VWA5A: variants seen among roughly 807,000 people sequenced by gnomAD.
The protein encoded by VWA5A is von Willebrand factor A domain containing 5A.
VWA5A carries 77 observed loss-of-function variants against 84.6 expected under a neutral mutation model. That is an observed-to-expected ratio of 0.91 (90% CI 0.76 to 1.10). The LOEUF is 1.10. Among genes scored for constraint, VWA5A ranks in the 50% least tolerant of loss-of-function variants. VWA5A has a pLI of 0.00. For synonymous variants in VWA5A, 334 were observed against 350.1 expected, an observed-to-expected ratio of 0.95 and a Z score of 0.51; for missense variants, 973 against 963.0, an observed-to-expected ratio of 1.01 and a Z score of -0.14.
At chr11:124,134,137 C>T (rs1865137632) in intron 11 of VWA5A, among the ~76,000 whole-genome samples, 2 of 152,178 alleles carry the variant, frequency 1.3e-5, no homozygotes, top group African/African-American at 4.8e-5. Context: ...TGCTGTCAGG[C>T]TATAGTATTT....
chr11:124,139,810 C>G (rs1860691151), intron 15 of VWA5A, among the ~76,000 whole-genome samples: 1 of 152,026 alleles, frequency 6.6e-6, no homozygotes, highest in Admixed American at 6.6e-5. Context: ...TGCCTAATTG[C>G]ACTGGCTAGG....
chr11:124,116,139 T>TC (rs1864825862), intron 1 of VWA5A: 1 of 152,340 alleles, frequency 6.6e-6, no homozygotes, highest in Admixed American at 6.5e-5. Flanking sequence ...GCTGGGACTC[T>TC]GCATTCCTGA....
chr11:124,142,293 G>A (rs1235203862), intron 16 of VWA5A, 149 bp from the exon 17 acceptor site: 2 of 1,087,472 alleles, frequency 1.8e-6, no homozygotes, highest in South Asian at 1.6e-5. Context: ...AGGGTTTGAA[G>A]ACCGATCTTC....
chr11:124,124,059 G>T (rs1225720169), intron 10 of VWA5A, among the ~76,000 whole-genome samples, 178 bp from the exon 11 acceptor site: 1 of 152,144 alleles, frequency 6.6e-6, no homozygotes, highest in Non-Finnish European at 1.5e-5. Flanking sequence ...AATTCCCAGG[G>T]TTCTGAACAG....
At chr11:124,117,339 T>C (rs1864847426) in intron 2 of VWA5A, 158 bp from the exon 3 acceptor site, 1 of 713,414 alleles carries the variant, frequency 1.4e-6, no homozygotes, top group Non-Finnish European at 2.4e-6. Context: ...CCCTTATGAC[T>C]GAAATCTTTG....
Position 124,117,697 on chromosome 11 carries a change from G to A in VWA5A, c.68G>A (p.Ser23Asn), listed in dbSNP as rs1678500630. The A allele has an allele frequency of 6.2e-7, 1 of 1,614,210 alleles. No individual in the cohort carries two copies. The highest frequency in any genetic ancestry group is 1.3e-5 in the African/African-American group (1 of 75,054). Residue 23 changes from serine (S) to asparagine (N), a missense_variant, in exon 4 of 19, where the codon AGC (serine) becomes AAC (asparagine). Physicochemically the swap from Ser to Asn is conservative, Grantham distance 46. Transcript: ENST00000456829. ...EPVPLKSISVSVNIYEFVAGV... is the reference protein window; with the variant it reads ...EPVPLKSISVNVNIYEFVAGV... ...GTGCCGCTGAAGAGTATCTCTGTGA[G>A]CGTGAACATTTACGAGTTTGTGGCT...
chr11:124,143,755 G>A (rs1565292352), intron 17 of VWA5A, among the ~76,000 whole-genome samples: 1 of 152,088 alleles, frequency 6.6e-6, no homozygotes, highest in Non-Finnish European at 1.5e-5. Context: ...AAGTAATTAA[G>A]ATGATAATTC....
chr11:124,117,552 C>T lies in VWA5A; in HGVS notation c.41C>T (p.Pro14Leu), dbSNP rs771843378. The T allele has an allele frequency of 3.3e-5, 54 of 1,614,100 alleles. No individual in the cohort carries two copies. The highest frequency in any genetic ancestry group is 4.5e-5 in the Non-Finnish European group (53 of 1,180,050). Residue 14 changes from proline (P) to leucine (L), a missense_variant and splice_region_variant, in exon 3 of 19, where the codon CCA (proline) becomes CTA (leucine). Coordinates refer to ENST00000456829, the MANE Select transcript of VWA5A (RefSeq NM_001130142.2). ...FCGLLTLHRE[P>L]VPLKSISVSV... is the part of the protein sequence containing the mutation. ...GGCCTACTCACCCTCCACCGGGAGCCAGGTAAGCCTAATTTGTGACTCTTA... is the reference window on the plus strand; with the variant it reads ...GGCCTACTCACCCTCCACCGGGAGCTAGGTAAGCCTAATTTGTGACTCTTA...
At chr11:124,123,188 G>T in intron 8 of VWA5A, 59 bp downstream of exon 8, 1 of 1,571,318 alleles carries the variant, frequency 6.4e-7, no homozygotes, top group South Asian at 1.2e-5. Context: ...GAATCTGAGG[G>T]GTTAAATAAG....
chr11:124,119,946 T>C (rs1864904579), intron 7 of VWA5A, among the ~76,000 whole-genome samples: 1 of 152,210 alleles, frequency 6.6e-6, no homozygotes, highest in South Asian at 2.1e-4. Context: ...TTTTATCTAA[T>C]ACATAATTTC....
At chr11:124,124,487 A>G (rs1363080416) in intron 11 of VWA5A, 171 bp downstream of exon 11, 2 of 1,362,370 alleles carry the variant, frequency 1.5e-6, no homozygotes, top group African/African-American at 3.0e-5. Context: ...ACAGTTTTCC[A>G]AATAACATCA....
chr11:124,118,192 C>G lies in VWA5A; in HGVS notation c.250C>G (p.Arg84Gly), dbSNP rs144358960. Reference sequence around the variant, plus strand: ...TCCCTCGCCCTGTGCTTCTCAGGCCCGCACCAACTATGAGAAAGCCATCTC... The same window carrying G: ...TCCCTCGCCCTGTGCTTCTCAGGCCGGCACCAACTATGAGAAAGCCATCTC... ...VAELQDKMKA[R>G]TNYEKAISQG... The change falls in exon 5 of 19, where the codon CGC becomes GGC. Residue 84 changes from arginine (R) to glycine (G), a missense_variant. Physicochemically the swap from Arg to Gly is moderately radical, Grantham distance 125. Coordinates refer to ENST00000456829, the MANE Select transcript of VWA5A (RefSeq NM_001130142.2). The G allele has an allele frequency of 6.2e-6, 10 of 1,613,540 alleles. No individual in the cohort carries two copies. The highest frequency in any genetic ancestry group is 1.3e-5 in the African/African-American group (1 of 74,904).
Position 124,118,182 on chromosome 11 carries a change from T to C in VWA5A, c.247-7T>C. The C allele has an allele frequency of 6.2e-7, 1 of 1,612,730 alleles. No individual in the cohort carries two copies. Among genetic ancestry groups the C allele is most frequent in the Non-Finnish European group, 8.5e-7 (1 of 1,179,370 alleles). ...TTCTTTCCCATCCCTCGCCCTGTGC[T>C]TCTCAGGCCCGCACCAACTATGAGA... On this transcript the variant is annotated splice_region_variant and splice_polypyrimidine_tract_variant and intron_variant, in intron 4 of 18. Coordinates refer to ENST00000456829, the MANE Select transcript of VWA5A (RefSeq NM_001130142.2).
In VWA5A at chr11:124,142,303, C is replaced by T. The variant is rs1860744468; in HGVS notation, c.2024-139C>T. 5.9e-6 allele frequency: 7 copies of T among 1,179,418 alleles called. No homozygotes were observed. The Admixed American group carries it at 1.7e-4, about 29-fold the overall frequency. 73.1% of individuals were successfully genotyped at this position (1,179,418 alleles called of 1,614,324 possible). A position where few individuals can be genotyped will look rare whatever the true frequency, so the allele number is the denominator to read the frequency against. On this transcript the variant is annotated intron_variant, in intron 16 of 18. Transcript: ENST00000456829. ...CAAGTAGGGTTTGAAGACCGATCTTCTGGATGTTGTCTGATGACTTTCTTT... is the reference window on the plus strand; with the variant it reads ...CAAGTAGGGTTTGAAGACCGATCTTTTGGATGTTGTCTGATGACTTTCTTT...
chr11:124,139,422 A>G (rs1211519717), intron 15 of VWA5A, among the ~76,000 whole-genome samples: 1 of 152,164 alleles, frequency 6.6e-6, no homozygotes, highest in African/African-American at 2.4e-5. Context: ...CCAATCCAAG[A>G]ACATGAGATA....
chr11:124,145,681 A>T (rs939163967), intron 18 of VWA5A, among the ~76,000 whole-genome samples, 185 bp from the exon 19 acceptor site: 5 of 152,146 alleles, frequency 3.3e-5, no homozygotes, highest in Admixed American at 2.6e-4. Context: ...GCTGTTTGTT[A>T]TCTCACTGCA....
intron 12 of VWA5A, 90 bp downstream of exon 12, chr11:124,135,124 G>A: frequency 9.6e-7 from 1 of 1,044,058 alleles, no homozygotes; most frequent in Non-Finnish European, 1.4e-6. Context: ...GGCAGGGGTA[G>A]CAACTTTCCT....
chr11:124,143,708 T>C (rs1860769299), intron 17 of VWA5A, among the ~76,000 whole-genome samples: 1 of 152,230 alleles, frequency 6.6e-6, no homozygotes, highest in African/African-American at 2.4e-5. Context: ...CATATGTTTC[T>C]AGCATTATAT....
rs528544882 is a variant in VWA5A at position 124,118,074 on chromosome 11, T to C, written c.247-115T>C. 8 of 1,290,522 alleles carry C rather than the reference T, an allele frequency of 6.2e-6. No individual in the cohort carries two copies. The East Asian group carries it at 1.2e-4, about 20-fold the overall frequency. The allele number at this position is 1,290,522 out of a possible 1,614,324, so 79.9% of individuals were successfully genotyped here. A position where few individuals can be genotyped will look rare whatever the true frequency, so the allele number is the denominator to read the frequency against. ...AAATCAATCAGAGGCATTCAGAGTATAGCTGTGATTAGACAAGACCAATCA... is the reference window on the plus strand; with the variant it reads ...AAATCAATCAGAGGCATTCAGAGTACAGCTGTGATTAGACAAGACCAATCA... On this transcript the variant is annotated intron_variant, in intron 4 of 18. Transcript: ENST00000456829.
Sources: gnomAD v4.1 joint callset for allele counts (sites outside exome capture counted in the v4.1 genomes callset) on GRCh38, gnomAD v4.1.1 for gene constraint, MANE v1.5 for transcripts, NCBI Gene and HGNC (gene_info 2026-07-23, HGNC 2026-07-21) for gene names.